INTS12: variants seen among roughly 807,000 people sequenced by gnomAD.
INTS12 encodes the protein PHD finger protein 22.
Under a neutral mutation model 41.6 loss-of-function variants are expected in INTS12, and 13 were observed. The ratio of observed to expected loss-of-function variants is 0.31; its 90% CI spans 0.20 to 0.50. The LOEUF is 0.50. Ranked by LOEUF, INTS12 falls within the 20% of genes least tolerant of loss-of-function variation. The pLI, the probability that INTS12 is intolerant of heterozygous loss-of-function variation, is 0.98. For synonymous variants in INTS12, 199 were observed against 191.4 expected, an observed-to-expected ratio of 1.04 and a Z score of -0.33; for missense variants, 432 against 541.6, an observed-to-expected ratio of 0.80 and a Z score of 2.01.
At position 105,682,661 on chromosome 4, in the gene INTS12, A is replaced by G. The variant is rs1180401381; in HGVS notation, c.*72T>C. 1.4e-5 allele frequency: 16 copies of G among 1,113,458 alleles called. No homozygotes were observed. The highest frequency in any genetic ancestry group is 2.1e-5 in the Non-Finnish European group (16 of 754,890). The allele number at this position is 1,113,458 out of a possible 1,614,324, so 69.0% of individuals were successfully genotyped here. On this transcript the variant is annotated 3_prime_UTR_variant, in exon 8 of 8. Transcript: ENST00000340139. ...GAAGACTTTTATTAAATTACAGTGT[A>G]TTACAGATTATATCATAATAATAAG...
In INTS12 at chr4:105,682,886, A is replaced by G. The variant is rs764737730; in HGVS notation, c.1236T>C (p.Pro412=). 3.7e-6 allele frequency: 6 copies of G among 1,614,082 alleles called. No homozygotes were observed. In the South Asian group the frequency reaches 6.6e-5, roughly 18 times the overall value. The change falls in exon 8 of 8, where the codon CCT becomes CCC. Residue 412 remains proline, a synonymous_variant. Coordinates refer to ENST00000340139, the MANE Select transcript of INTS12 (RefSeq NM_020395.4). ...SGNGNSGTSG[P]SGSTTSKTTS... ...TAGTTTTGCTGGTAGTACTTCCACT[A>G]GGTCCTGATGTTCCACTATTTCCAT...
At chr4:105,687,461 T>A (rs1731536237) in intron 6 of INTS12, among the ~76,000 whole-genome samples, 1 of 152,180 alleles carries the variant, frequency 6.6e-6, no homozygotes, top group African/African-American at 2.4e-5. Flanking sequence ...CATCTTCAGT[T>A]TTATTTTGAC....
rs781590777 is a variant in INTS12 at position 105,699,998 on chromosome 4, G to C, written c.8C>G (p.Ala3Gly). The change falls in exon 3 of 8, where the codon GCT becomes GGT. Residue 3 changes from alanine to glycine, a missense_variant. Transcript: ENST00000340139. ...GGGATCAAGTTCCAAGTTCACAGTAGCAGCCATTGCAAACGCCTGAAGGAA... is the reference window on the plus strand; with the variant it reads ...GGGATCAAGTTCCAAGTTCACAGTACCAGCCATTGCAAACGCCTGAAGGAA... MA[A>G]TVNLELDPIF... is the part of the protein sequence containing the mutation. 1 of 1,500,764 alleles carries C rather than the reference G, an allele frequency of 6.7e-7. No homozygotes were observed. The highest frequency in any genetic ancestry group is 9.0e-7 in the Non-Finnish European group (1 of 1,108,652). 93.0% of individuals were successfully genotyped at this position (1,500,764 alleles called of 1,614,324 possible).
intron 2 of INTS12, chr4:105,702,990 A>G: frequency 2.0e-6 from 2 of 985,204 alleles, no homozygotes; most frequent in Non-Finnish European, 2.4e-6. Context: ...CAGCAGTCAT[A>G]AAGAGGTCAG....
intron 7 of INTS12, 75 bp from the exon 8 acceptor site, chr4:105,683,392 T>A (rs1024832636): frequency 3.6e-6 from 4 of 1,117,912 alleles, no homozygotes; most frequent in Non-Finnish European, 5.0e-6. Context: ...AAGTTATGAA[T>A]TGGGAAATTT....
chr4:105,694,711 T>G (rs956077508), intron 4 of INTS12, among the ~76,000 whole-genome samples: 5 of 152,200 alleles, frequency 3.3e-5, no homozygotes, highest in African/African-American at 1.2e-4. Context: ...TATGAAAACA[T>G]ACGGGATAAT....
At chr4:105,704,027 T>TC (rs1306076049) in intron 1 of INTS12, among the ~76,000 whole-genome samples, 1 of 152,096 alleles carries the variant, frequency 6.6e-6, no homozygotes, top group Non-Finnish European at 1.5e-5. Flanking sequence ...TTTTTTTTTT[T>TC]CAGCCTTTCT....
At chr4:105,684,007 A>C (rs995768216) in intron 7 of INTS12, among the ~76,000 whole-genome samples, 3 of 152,142 alleles carry the variant, frequency 2.0e-5, no homozygotes, top group African/African-American at 7.2e-5. Context: ...TTCCGGTTAA[A>C]CTATCATGTA....
At chr4:105,700,460 C>T (rs997556755) in intron 2 of INTS12, among the ~76,000 whole-genome samples, 3 of 151,556 alleles carry the variant, frequency 2.0e-5, no homozygotes, top group Non-Finnish European at 2.9e-5. Context: ...TAAGGGCTAT[C>T]GTAAGAGGGC....
chr4:105,683,059 T>G lies in INTS12; in HGVS notation c.1063A>C (p.Thr355Pro), dbSNP rs770443214. ...GGTGGTTTTAAAGGTACAGTGGGCG[T>G]AGTGCTGTTATTGGAACCTATTTTG... is the stretch of plus-strand genomic sequence containing the variant. Reference protein sequence around the residue: ...GSKIGSNNSTTPTVPLKPPPP... With the variant: ...GSKIGSNNSTPPTVPLKPPPP... The change falls in exon 8 of 8, where the codon ACG becomes CCG. Residue 355 changes from threonine to proline, a missense_variant. Around this residue, in one of 3 missense-constraint regions of INTS12, gnomAD observed 258 missense variants for 309.9 expected, o/e 0.83. Transcript: ENST00000340139. The G allele has an allele frequency of 9.3e-6, 15 of 1,614,080 alleles. No individual in the cohort carries two copies. The highest frequency in any genetic ancestry group is 1.3e-5 in the Non-Finnish European group (15 of 1,179,954).
At position 105,686,683 on chromosome 4, in the gene INTS12, C is replaced by A; in HGVS notation, c.804+9G>T. ...ATATAATCTTAGATAAAAATAGAAT[C>A]TACTATACCTTGACTTCTGTTCTCT... is the stretch of plus-strand genomic sequence containing the variant. On this transcript the variant is annotated intron_variant, in intron 7 of 7. Transcript: ENST00000340139. 6.3e-7 allele frequency: 1 copy of A among 1,594,492 alleles called. No homozygotes were observed. Among genetic ancestry groups the A allele is most frequent in the Non-Finnish European group, 8.5e-7 (1 of 1,169,906 alleles).
At chr4:105,700,261 T>G (rs1325006784) in intron 2 of INTS12, 1 of 235,838 alleles carries the variant, frequency 4.2e-6, no homozygotes, top group Non-Finnish European at 8.1e-6. Flanking sequence ...ATGGTAACGT[T>G]TTAAATCCAG....
chr4:105,696,012 C>T (rs763103493), intron 3 of INTS12, among the ~76,000 whole-genome samples: 15 of 151,966 alleles, frequency 9.9e-5, no homozygotes, highest in Non-Finnish European at 2.1e-4. Context: ...CCACCACACC[C>T]GGCTGATTTT....
chr4:105,690,676 G>A (rs1731655689), intron 6 of INTS12, among the ~76,000 whole-genome samples: 1 of 151,998 alleles, frequency 6.6e-6, no homozygotes, highest in Admixed American at 6.6e-5. Context: ...ACATAGATTT[G>A]ACATAAATCA....
intron 1 of INTS12, chr4:105,708,087 T>G (rs1000304162): frequency 1.0e-6 from 1 of 985,352 alleles, no homozygotes; most frequent in Non-Finnish European, 1.2e-6. Flanking sequence ...CCAATAAACA[T>G]TATTTTAAAG....
chr4:105,696,373 A>G (rs1051784743), intron 3 of INTS12, among the ~76,000 whole-genome samples: 1 of 152,176 alleles, frequency 6.6e-6, no homozygotes, highest in Non-Finnish European at 1.5e-5. Flanking sequence ...ATATAGAAAA[A>G]TATGTCTCCC....
intron 2 of INTS12, among the ~76,000 whole-genome samples, chr4:105,702,030 T>G (rs186182758): frequency 2.6e-5 from 4 of 152,270 alleles, no homozygotes; most frequent in Admixed American, 2.0e-4. Context: ...TAACAGGCTT[T>G]GTACCCCTCC....
At chr4:105,702,886 C>T (rs545775516) in intron 2 of INTS12, 1 of 983,896 alleles carries the variant, frequency 1.0e-6, no homozygotes, top group Admixed American at 6.1e-5. Context: ...TCTATCTTAC[C>T]TTTACTCCCC....
intron 3 of INTS12, 24 bp downstream of exon 3, chr4:105,699,826 C>T (rs72671820): frequency 0.057 from 82,715 of 1,459,716 alleles, 2,674 homozygotes; most frequent in Middle Eastern, 0.09. Flanking sequence ...AAACTCTCTC[C>T]AAGCTTTTTA....
Sources: gnomAD v4.1 joint callset for allele counts (sites outside exome capture counted in the v4.1 genomes callset) on GRCh38, gnomAD v4.1.1 for gene constraint, gnomAD v4.1.1 regional missense constraint, MANE v1.5 for transcripts, NCBI Gene and HGNC (gene_info 2026-07-23, HGNC 2026-07-21) for gene names.